The following CD164 variants were observed in gnomAD, a reference collection of about 807,000 sequenced individuals.
The protein encoded by CD164 is CD164 molecule.
A neutral mutation model predicts 24.6 loss-of-function variants in CD164; 11 were observed. The ratio of observed to expected loss-of-function variants is 0.45; its 90% confidence interval spans 0.28 to 0.74. The LOEUF is 0.74. Among genes scored for constraint, CD164 ranks in the 30% least tolerant of loss-of-function variants. The probability of loss-of-function intolerance (pLI) is 0.13; values close to 1 mark genes in which losing one functional copy is unlikely to be tolerated. For synonymous variants in CD164, 126 were observed against 100.3 expected, an observed-to-expected ratio of 1.26 and a Z score of -1.53; for missense variants, 295 against 243.7, an observed-to-expected ratio of 1.21 and a Z score of -1.40.
At chr6:109,369,448 TA>T (rs1413219100) in intron 5 of CD164, among the ~76,000 whole-genome samples, 1 of 152,200 alleles carries the variant, frequency 6.6e-6, no homozygotes, top group Non-Finnish European at 1.5e-5. Flanking sequence ...GTTACAAAAA[TA>T]ATCTTAATAA....
Position 109,382,435 on chromosome 6 carries a change from C to A in CD164, c.-57G>T. On this transcript the variant is annotated 5_prime_UTR_variant, in exon 1 of 6. Coordinates refer to ENST00000310786, the MANE Select transcript of CD164 (RefSeq NM_006016.6). Reference sequence around the variant, plus strand: ...CTAAGGCTCGCAACGCTCAGTCAACCCCTCAATCCCCTGCGGCGCCGCCTC... The same window carrying A: ...CTAAGGCTCGCAACGCTCAGTCAACACCTCAATCCCCTGCGGCGCCGCCTC... The A allele has an allele frequency of 2.1e-6, 3 of 1,398,456 alleles. No individual in the cohort carries two copies. Among genetic ancestry groups the A allele is most frequent in the Non-Finnish European group, 2.8e-6 (3 of 1,063,626 alleles). The allele number at this position is 1,398,456 out of a possible 1,614,324, so 86.6% of individuals were successfully genotyped here. A position where few individuals can be genotyped will look rare whatever the true frequency, so the allele number is the denominator to read the frequency against.
chr6:109,379,437 C>G (rs1436649983), intron 2 of CD164, 142 bp downstream of exon 2: 5 of 556,494 alleles, frequency 9.0e-6, no homozygotes, highest in Non-Finnish European at 1.6e-5. Flanking sequence ...TGCGAGGCAA[C>G]TGGCACTTTA....
chr6:109,369,071 T>A, intron 5 of CD164, 54 bp from the exon 6 acceptor site: 1 of 1,486,962 alleles, frequency 6.7e-7, no homozygotes, highest in Non-Finnish European at 9.2e-7. Flanking sequence ...TCCTCTATTG[T>A]AATTTAAAGA....
rs1770846499 is a variant in CD164, at chr6:109,367,753, A to G, written c.*1098T>C. 6.6e-6 allele frequency: 1 copy of G among 152,632 alleles called. No individual in the cohort carries two copies. The highest frequency in any genetic ancestry group is 6.5e-5 in the Admixed American group (1 of 15,286). The allele number at this position is 152,632 out of a possible 1,614,324, so 9.5% of individuals were successfully genotyped here. On this transcript the variant is annotated 3_prime_UTR_variant, in exon 6 of 6. Transcript: ENST00000310786. ...TTAAAATGATTGTCTCATTTAAAAT[A>G]AATGATTCTAAAATAATATGATTGT... is the stretch of plus-strand genomic sequence containing the variant.
At chr6:109,382,176 G>A in intron 1 of CD164, 28 bp downstream of exon 1, 1 of 1,500,308 alleles carries the variant, frequency 6.7e-7, no homozygotes, top group Non-Finnish European at 8.9e-7. Context: ...GCAGGGGAGG[G>A]CGGGAAGCCC....
At chr6:109,373,039 A>G (rs1216378849) in intron 4 of CD164, among the ~76,000 whole-genome samples, 1 of 152,118 alleles carries the variant, frequency 6.6e-6, no homozygotes, top group Non-Finnish European at 1.5e-5. Flanking sequence ...ATTCATTAGG[A>G]AAGGTTAAAA....
chr6:109,370,388 C>G, intron 5 of CD164, 23 bp downstream of exon 5: 1 of 1,582,886 alleles, frequency 6.3e-7, no homozygotes, highest in Non-Finnish European at 8.7e-7. Context: ...TGCATCATTG[C>G]TAATCTAAAA....
intron 4 of CD164, chr6:109,371,874 G>A (rs867364251): frequency 6.6e-6 from 1 of 152,424 alleles, no homozygotes; most frequent in Non-Finnish European, 1.5e-5. Flanking sequence ...TATGCTGGTG[G>A]GCCGCTAGGG....
Position 109,368,888 on chromosome 6 carries a change from A to T in CD164, c.557T>A (p.Phe186Tyr), listed in dbSNP as rs746589702. Residue 186 changes from phenylalanine (F) to tyrosine (Y), a missense_variant, in exon 6 of 6, where the codon TTC (phenylalanine) becomes TAC (tyrosine). Physicochemically the swap from Phe to Tyr is conservative, Grantham distance 22 (BLOSUM62 3). Transcript: ENST00000310786. ...GTAATTTCGTTCTTTAGATTTGCAG[A>T]ATTTATAAAGAAAGAAAATTACAGC... ...VQAVIFFLYK[F>Y]CKSKERNYHT... 5.1e-5 allele frequency: 82 copies of T among 1,613,220 alleles called. 1 individual carries two copies. In the Admixed American group the frequency reaches 5.7e-4, roughly 11 times the overall value.
In CD164 at chr6:109,368,448, T is replaced by C; in HGVS notation, c.*403A>G. The C allele has an allele frequency of 2.1e-6, 3 of 1,396,106 alleles. No individual in the cohort carries two copies. Among genetic ancestry groups the C allele is most frequent in the Non-Finnish European group, 2.8e-6 (3 of 1,079,090 alleles). The allele number at this position is 1,396,106 out of a possible 1,614,324, so 86.5% of individuals were successfully genotyped here. On this transcript the variant is annotated 3_prime_UTR_variant, in exon 6 of 6. Transcript: ENST00000310786. The stretch of plus-strand genomic sequence containing the variant: ...GACAGCCAAAAATCCACCTAATTGA[T>C]TCTCATTTGGCACGTTCTTCTCAAT...
intron 4 of CD164, 167 bp downstream of exon 4, chr6:109,375,907 G>A (rs1302929046): frequency 5.2e-6 from 3 of 577,062 alleles, no homozygotes; most frequent in East Asian, 3.2e-5. Flanking sequence ...ATGTGTCACT[G>A]TCACAAAAGG....
Position 109,382,236 on chromosome 6 carries a change from G to A in CD164, c.143C>T (p.Thr48Met). The part of the protein sequence containing the change: ...PISNVTSAPV[T>M]SLPLVTTPAP... ...CGGAGTGGTGACCAGCGGGAGGGAC[G>A]TCACCGGCGCCGAGGTTACGTTGGA... The change falls in exon 1 of 6, where the codon ACG becomes ATG. Residue 48 changes from threonine to methionine, a missense_variant. By Grantham distance (81) the Thr-to-Met change is moderately conservative. Transcript: ENST00000310786. The A allele has an allele frequency of 6.3e-7, 1 of 1,582,680 alleles. No homozygotes were observed. Among genetic ancestry groups the A allele is most frequent in the Non-Finnish European group, 8.6e-7 (1 of 1,168,290 alleles).
intron 4 of CD164, chr6:109,375,844 T>C (rs1404612990): frequency 2.1e-5 from 10 of 480,822 alleles, no homozygotes; most frequent in Non-Finnish European, 3.6e-5. Flanking sequence ...AGACTCAATG[T>C]ACACAGCCTC....
chr6:109,375,981 A>T, intron 4 of CD164, 93 bp downstream of exon 4: 1 of 965,544 alleles, frequency 1.0e-6, no homozygotes, highest in Non-Finnish European at 1.5e-6. Context: ...TTAAAATTAT[A>T]CTAACAACTT....
In CD164 at chr6:109,368,958, C is replaced by T; in HGVS notation, c.487G>A (p.Ala163Thr). 1 of 1,613,914 alleles carries T rather than the reference C, an allele frequency of 6.2e-7. No individual in the cohort carries two copies. The highest frequency in any genetic ancestry group is 8.5e-7 in the Non-Finnish European group (1 of 1,179,874). ...SQPVRKSTFD[A>T]ASFIGGIVLV... is the part of the protein sequence containing the mutation. ...ACAATTCCTCCAATGAAACTGGCTG[C>T]ATCAAAGGTAGACTTTCGCACAGGT... The change falls in exon 6 of 6, where the codon GCA becomes ACA. Residue 163 changes from alanine to threonine, a missense_variant. Ala to Thr is a moderately conservative substitution (Grantham distance 58). Coordinates refer to ENST00000310786, the MANE Select transcript of CD164 (RefSeq NM_006016.6).
chr6:109,381,671 C>G (rs969869238), intron 1 of CD164: 1 of 685,582 alleles, frequency 1.5e-6, no homozygotes, highest in African/African-American at 1.8e-5. Context: ...TCTCAAGCGA[C>G]CTTCTCAGAC....
At chr6:109,380,691 T>A (rs1381397710) in intron 1 of CD164, among the ~76,000 whole-genome samples, 1 of 152,382 alleles carries the variant, frequency 6.6e-6, no homozygotes, top group East Asian at 1.9e-4. Context: ...CTAAACTTGC[T>A]ACCTTTCAGA....
At chr6:109,373,177 G>A (rs1771187624) in intron 4 of CD164, among the ~76,000 whole-genome samples, 1 of 152,170 alleles carries the variant, frequency 6.6e-6, no homozygotes, top group Non-Finnish European at 1.5e-5. Flanking sequence ...TTCTAGGCAT[G>A]TATATAACAA....
chr6:109,375,980 T>C (rs1031677939), intron 4 of CD164, 94 bp downstream of exon 4: 4 of 961,226 alleles, frequency 4.2e-6, no homozygotes, highest in Admixed American at 3.0e-5. Context: ...TTTAAAATTA[T>C]ACTAACAACT....
Sources: gnomAD v4.1 joint callset for allele counts (sites outside exome capture counted in the v4.1 genomes callset) on GRCh38, gnomAD v4.1.1 for gene constraint, MANE v1.5 for transcripts, NCBI Gene and HGNC (gene_info 2026-07-23, HGNC 2026-07-21) for gene names.